Variants in DPP6 observed in about 807,000 individuals in gnomAD.
The protein encoded by DPP6 is dipeptidyl peptidase like 6, also known as A-type potassium channel modulatory protein DPP6.
DPP6 carries 69 observed loss-of-function variants against 122.6 expected under a neutral mutation model. The observed-to-expected ratio is 0.56, with a 90% confidence interval of 0.46 to 0.69. The LOEUF (loss-of-function observed/expected upper bound fraction) is 0.69, where lower values mean the gene tolerates loss of function less well. Ranked by LOEUF, DPP6 falls within the 30% of genes least tolerant of loss-of-function variation. The probability of loss-of-function intolerance (pLI) is 0.00; values close to 1 mark genes in which losing one functional copy is unlikely to be tolerated. For synonymous variants in DPP6, 418 were observed against 433.1 expected, an observed-to-expected ratio of 0.97 and a Z score of 0.43; for missense variants, 928 against 1,116.9, an observed-to-expected ratio of 0.83 and a Z score of 2.41.
intron 1 of DPP6, among the ~76,000 whole-genome samples, chr7:153,948,942 A>T (rs913221300): frequency 2.0e-5 from 3 of 151,850 alleles, no homozygotes; most frequent in Non-Finnish European, 4.4e-5. Flanking sequence ...TATGAAACAA[A>T]AGACGTGTGG....
Position 154,386,111 on chromosome 7 carries a change from C to T in DPP6, c.244-60103C>T, listed in dbSNP as rs140555828. On this transcript the variant is annotated intron_variant, in intron 1 of 25. Transcript: ENST00000377770. Reference sequence around the variant, plus strand: ...TTCTGTGGCCCTCAGGTGTGGACATCGCTGCCTTATTTTCCCTAAAGTGAC... The same window carrying T: ...TTCTGTGGCCCTCAGGTGTGGACATTGCTGCCTTATTTTCCCTAAAGTGAC... Among the ~76,000 whole-genome samples, 12 of 152,236 alleles carry T rather than the reference C, an allele frequency of 7.9e-5. No homozygotes were observed. In the East Asian group the frequency reaches 2.3e-3, roughly 29 times the overall value.
chr7:154,313,939 G>A (rs1032041904), intron 1 of DPP6, among the ~76,000 whole-genome samples: 1 of 151,432 alleles, frequency 6.6e-6, no homozygotes, highest in Non-Finnish European at 1.5e-5. Context: ...GGTTAAAGAA[G>A]AGATTAACCA....
At chr7:153,964,617 T>C (rs1795545334) in intron 1 of DPP6, among the ~76,000 whole-genome samples, 1 of 152,122 alleles carries the variant, frequency 6.6e-6, no homozygotes, top group Admixed American at 6.5e-5. Context: ...TGTCCTCACA[T>C]ATATTCCAGG....
intron 14 of DPP6, among the ~76,000 whole-genome samples, chr7:154,804,325 C>A (rs1277432682): frequency 6.6e-6 from 1 of 152,220 alleles, no homozygotes; most frequent in African/African-American, 2.4e-5. Flanking sequence ...GAGTTTACTG[C>A]TTTCCCCATT....
chr7:154,844,109 G>A (rs1801773135), intron 16 of DPP6, among the ~76,000 whole-genome samples: 1 of 152,246 alleles, frequency 6.6e-6, no homozygotes, highest in Admixed American at 6.5e-5. Context: ...ACAAGAATCT[G>A]TGCCAAGGCA....
At chr7:154,324,378 C>A (rs1036319373) in intron 1 of DPP6, among the ~76,000 whole-genome samples, 1 of 152,156 alleles carries the variant, frequency 6.6e-6, no homozygotes, top group Non-Finnish European at 1.5e-5. Flanking sequence ...CTGCCCCTTC[C>A]ATGCAGATGC....
intron 5 of DPP6, among the ~76,000 whole-genome samples, chr7:154,616,550 T>C (rs1834271021): frequency 1.3e-5 from 2 of 152,026 alleles, no homozygotes; most frequent in Non-Finnish European, 2.9e-5. Flanking sequence ...TGGGAGACCA[T>C]AGGCATAGAG....
At chr7:154,541,458 A>G (rs1828722761) in intron 4 of DPP6, among the ~76,000 whole-genome samples, 1 of 152,200 alleles carries the variant, frequency 6.6e-6, no homozygotes, top group Admixed American at 6.5e-5. Flanking sequence ...TGGCATTAAG[A>G]TTTGATGTTC....
At chr7:154,121,848 C>A (rs546732503) in intron 1 of DPP6, among the ~76,000 whole-genome samples, 5 of 152,260 alleles carry the variant, frequency 3.3e-5, no homozygotes, top group Non-Finnish European at 5.9e-5. Flanking sequence ...CAATAACAAA[C>A]AAAAATTCTT....
At chr7:154,663,260 C>G (rs1480050707) in intron 6 of DPP6, among the ~76,000 whole-genome samples, 8 of 62,294 alleles carry the variant, frequency 1.3e-4, no homozygotes, top group South Asian at 9.8e-4. Context: ...GGCGTATTGG[C>G]CGTAGTGTTC....
chr7:154,704,670 G>C (rs1054825472), intron 7 of DPP6, among the ~76,000 whole-genome samples: 1 of 152,246 alleles, frequency 6.6e-6, no homozygotes, highest in Non-Finnish European at 1.5e-5. Context: ...CGAAGGCTTA[G>C]ATGATTGTTA....
chr7:154,840,530 A>G (rs1343789472), intron 16 of DPP6, among the ~76,000 whole-genome samples: 2 of 152,186 alleles, frequency 1.3e-5, no homozygotes, highest in South Asian at 2.1e-4. Flanking sequence ...GTTTCCCAAC[A>G]CACCATAATT....
intron 1 of DPP6, among the ~76,000 whole-genome samples, chr7:154,287,320 A>C (rs1804920660): frequency 6.6e-6 from 1 of 152,206 alleles, no homozygotes; most frequent in Non-Finnish European, 1.5e-5. Context: ...GCTGACACTC[A>C]AATGTTTTCT....
intron 2 of DPP6, among the ~76,000 whole-genome samples, chr7:154,451,672 C>T (rs1820394103): frequency 6.6e-6 from 1 of 152,238 alleles, no homozygotes; most frequent in Admixed American, 6.5e-5. Flanking sequence ...TCCCTCCATG[C>T]TGACGGCCAG....
At chr7:154,195,167 G>A (rs1798802701) in intron 1 of DPP6, among the ~76,000 whole-genome samples, 2 of 152,126 alleles carry the variant, frequency 1.3e-5, no homozygotes, top group South Asian at 4.1e-4. Context: ...TGAAGTACGG[G>A]TTGAAGTTCA....
upstream of DPP6, among the ~76,000 whole-genome samples, chr7:154,051,401 A>G (rs909903511): frequency 1.3e-4 from 20 of 149,916 alleles, no homozygotes; most frequent in African/African-American, 4.2e-4. Context: ...GCAACTCCAG[A>G]AGGACGGAGA....
intron 9 of DPP6, among the ~76,000 whole-genome samples, chr7:154,771,460 A>T (rs975089543): frequency 1.3e-5 from 2 of 152,236 alleles, no homozygotes; most frequent in African/African-American, 4.8e-5. Context: ...TTTTGTGGAC[A>T]TGGATCTCAT....
intron 1 of DPP6, among the ~76,000 whole-genome samples, chr7:154,066,218 C>G (rs1371791874): frequency 6.6e-6 from 1 of 151,996 alleles, no homozygotes; most frequent in Non-Finnish European, 1.5e-5. Flanking sequence ...CACCAGCATG[C>G]CTGGCTAATT....
intron 1 of DPP6, among the ~76,000 whole-genome samples, chr7:154,014,175 T>C (rs961162515): frequency 2.0e-5 from 3 of 150,286 alleles, no homozygotes; most frequent in Non-Finnish European, 4.4e-5. Flanking sequence ...TGATAAATTC[T>C]ACCGAAGTGA....
Sources: gnomAD v4.1 joint callset for allele counts (sites outside exome capture counted in the v4.1 genomes callset) on GRCh38, gnomAD v4.1.1 for gene constraint, MANE v1.5 for transcripts, NCBI Gene and HGNC (gene_info 2026-07-23, HGNC 2026-07-21) for gene names.